The following ATXN10 variants were observed in gnomAD, a reference collection of about 807,000 sequenced individuals.
The protein encoded by ATXN10 is ataxin-10.
ATXN10 carries 28 observed loss-of-function variants against 52.9 expected under a neutral mutation model. The observed-to-expected ratio is 0.53, with a 90% CI of 0.39 to 0.73. The LOEUF (loss-of-function observed/expected upper bound fraction) is 0.73. Among genes scored for constraint, ATXN10 ranks in the 30% least tolerant of loss-of-function variants. ATXN10 has a pLI of 0.00. For synonymous variants in ATXN10, 226 were observed against 221.5 expected, an observed-to-expected ratio of 1.02 and a Z score of -0.18; for missense variants, 565 against 577.0, an observed-to-expected ratio of 0.98 and a Z score of 0.21.
rs944663248 is a variant in ATXN10 at position 45,718,865 on chromosome 22, C to G, written c.728+372C>G. ...TGGGTGTTATTATTTGTGATACACT[C>G]TGCTAGGTTTGTAGGTTTCTAATGG... On this transcript the variant is annotated intron_variant, in intron 6 of 11. Transcript: ENST00000252934. The surrounding 1 kb of genome is among the most constrained non-coding windows in gnomAD (Gnocchi z 4.4). Among the ~76,000 whole-genome samples the G allele has an allele frequency of 2.0e-5, 3 of 152,144 alleles. No homozygotes were observed. Among genetic ancestry groups the G allele is most frequent in the African/African-American group, 7.2e-5 (3 of 41,424 alleles).
At position 45,770,277 on chromosome 22, in the gene ATXN10, C is replaced by T. The variant is rs1249837145; in HGVS notation, c.1173+29739C>T. Among the ~76,000 whole-genome samples, 1 of 152,178 alleles carries T rather than the reference C, an allele frequency of 6.6e-6. No individual in the cohort carries two copies. The highest frequency in any genetic ancestry group is 1.5e-5 in the Non-Finnish European group (1 of 68,000). On this transcript the variant is annotated intron_variant, in intron 9 of 11. Transcript: ENST00000252934. The surrounding 1 kb of genome is among the most constrained non-coding windows in gnomAD (Gnocchi z 4.5). ...GTTTTTAAAAATGTGGGTTGCATCCCAATAACGAGATACGAAATGAATTCT... is the reference window on the plus strand; with the variant it reads ...GTTTTTAAAAATGTGGGTTGCATCCTAATAACGAGATACGAAATGAATTCT...
intron 9 of ATXN10, among the ~76,000 whole-genome samples, chr22:45,743,764 A>T (rs527990095): frequency 6.6e-6 from 1 of 152,308 alleles, no homozygotes; most frequent in African/African-American, 2.4e-5. Flanking sequence ...TACATATATT[A>T]TCAACTTTAA....
intron 9 of ATXN10, among the ~76,000 whole-genome samples, chr22:45,796,740 C>T (rs1024744115): frequency 6.6e-6 from 1 of 152,216 alleles, no homozygotes; most frequent in Non-Finnish European, 1.5e-5. Context: ...TCAAATTATC[C>T]TCCCACCTTC....
chr22:45,746,588 T>C (rs1243476173), intron 9 of ATXN10, among the ~76,000 whole-genome samples: 1 of 152,088 alleles, frequency 6.6e-6, no homozygotes, highest in African/African-American at 2.4e-5. Flanking sequence ...TAGGCCGGGG[T>C]GGCATGGCCC....
chr22:45,808,746 G>A (rs1928184424), intron 10 of ATXN10, among the ~76,000 whole-genome samples: 1 of 152,218 alleles, frequency 6.6e-6, no homozygotes. Flanking sequence ...CTTCTTAAAA[G>A]TCACCGGGAG....
Position 45,843,717 on chromosome 22 carries a change from A to AT in ATXN10, c.*51dup. 1 of 1,579,740 alleles carries AT rather than the reference A, an allele frequency of 6.3e-7. No individual in the cohort carries two copies. The highest frequency in any genetic ancestry group is 1.3e-5 in the African/African-American group (1 of 74,394). ...TGAATTTTTGGAATCTGTTTCATGG[A>AT]TTTTTCATCTTCTACCGTATGTGAA... On this transcript the variant is annotated 3_prime_UTR_variant, in exon 12 of 12. Transcript: ENST00000252934. The surrounding 1 kb of genome is among the most constrained non-coding windows in gnomAD (Gnocchi z 4.5).
In ATXN10 at chr22:45,689,894, A is replaced by T. The variant is rs779549583; in HGVS notation, c.299A>T (p.Asn100Ile). 20 of 1,614,078 alleles carry T rather than the reference A, an allele frequency of 1.2e-5. No individual in the cohort carries two copies. Among genetic ancestry groups the T allele is most frequent in the Non-Finnish European group, 1.7e-5 (20 of 1,180,004 alleles). ...TGCATAGAGTGTTCTGTGAACCAGA[A>T]TTCAATCAGGTAGTTACACACGTAC... Reference protein sequence around the residue: ...NACIECSVNQNSIRNLDTIGV... With the variant: ...NACIECSVNQISIRNLDTIGV... Residue 100 changes from asparagine to isoleucine, a missense_variant, in exon 2 of 12, where the codon AAT (asparagine) becomes ATT (isoleucine). Coordinates refer to ENST00000252934, the MANE Select transcript of ATXN10 (RefSeq NM_013236.4).
chr22:45,749,219 G>C (rs1925851229), intron 9 of ATXN10, among the ~76,000 whole-genome samples: 1 of 152,126 alleles, frequency 6.6e-6, no homozygotes, highest in African/African-American at 2.4e-5. Context: ...CTTAACACCT[G>C]CCGTAACACT....
At position 45,828,215 on chromosome 22, in the gene ATXN10, GA is replaced by G. The variant is rs1928880331; in HGVS notation, c.1238-14774del. 6.8e-6 allele frequency among the ~76,000 whole-genome samples: 1 copy of G among 146,988 alleles called. No individual in the cohort carries two copies. The highest frequency in any genetic ancestry group is 1.5e-5 in the Non-Finnish European group (1 of 66,048). ...AAAACTTTAAAAAAGAAAAAAAAAA[GA>G]AGAAAAAAATATTTAGAGACAAATG... On this transcript the variant is annotated intron_variant, in intron 10 of 11. Coordinates refer to ENST00000252934, the MANE Select transcript of ATXN10 (RefSeq NM_013236.4). The surrounding 1 kb of genome is among the most constrained non-coding windows in gnomAD (Gnocchi z 4.5).
Position 45,762,870 on chromosome 22 carries a change from C to T in ATXN10, c.1173+22332C>T, listed in dbSNP as rs1926447945. On this transcript the variant is annotated intron_variant, in intron 9 of 11. Transcript: ENST00000252934. The surrounding 1 kb of genome is among the most constrained non-coding windows in gnomAD (Gnocchi z 4.3). ...TGGCTTCCCTTGGGTCTGTCTCCAT[C>T]CCTGTTGTAGTCCCTCACAGCCCAG... is the stretch of plus-strand genomic sequence containing the variant. 2.6e-5 allele frequency among the ~76,000 whole-genome samples: 4 copies of T among 152,186 alleles called. No individual in the cohort carries two copies. Among genetic ancestry groups the T allele is most frequent in the Admixed American group, 2.6e-4 (4 of 15,278 alleles).
In ATXN10 at chr22:45,708,214, A is replaced by G. The variant is rs1030514547; in HGVS notation, c.647+5367A>G. Among the ~76,000 whole-genome samples, 2 of 152,146 alleles carry G rather than the reference A, an allele frequency of 1.3e-5. No individual in the cohort carries two copies. The highest frequency in any genetic ancestry group is 4.1e-4 in the South Asian group (2 of 4,830). On this transcript the variant is annotated intron_variant, in intron 5 of 11. Transcript: ENST00000252934. The surrounding 1 kb of genome is among the most constrained non-coding windows in gnomAD (Gnocchi z 5.3). ...AAAGATGTTTTCATGCTCTTAGATA[A>G]CCCTAGATGAATCCAGGGATTCTAT...
intron 10 of ATXN10, among the ~76,000 whole-genome samples, chr22:45,808,298 T>G (rs1928168907): frequency 6.6e-6 from 1 of 152,214 alleles, no homozygotes; most frequent in Non-Finnish European, 1.5e-5. Flanking sequence ...ATGTTGCATT[T>G]CCCAATGAAA....
chr22:45,703,234 A>G (rs1181035250), intron 5 of ATXN10, among the ~76,000 whole-genome samples: 1 of 152,188 alleles, frequency 6.6e-6, no homozygotes, highest in Non-Finnish European at 1.5e-5. Context: ...TGCAGATGAG[A>G]TAGAGACTGC....
At chr22:45,761,167 T>G (rs6519871) in intron 9 of ATXN10, among the ~76,000 whole-genome samples, 8,748 of 152,202 alleles carry the variant, frequency 0.057, 265 homozygotes, top group African/African-American at 0.064. Flanking sequence ...TGTCGCCAGG[T>G]TGGAATGCAG....
At chr22:45,724,274 C>T (rs1370592465) in intron 6 of ATXN10, among the ~76,000 whole-genome samples, 1 of 152,128 alleles carries the variant, frequency 6.6e-6, no homozygotes, top group African/African-American at 2.4e-5. Flanking sequence ...TACTATTTTA[C>T]TTTCCCCCCA....
At chr22:45,832,170 G>C (rs139751107) in intron 10 of ATXN10, among the ~76,000 whole-genome samples, 7 of 152,292 alleles carry the variant, frequency 4.6e-5, no homozygotes, top group African/African-American at 1.4e-4. Flanking sequence ...TTCTACTTCA[G>C]CTCTTTCGAT....
chr22:45,821,347 TAAAAAAAA>T (rs567448480), intron 10 of ATXN10, among the ~76,000 whole-genome samples: 1 of 106,444 alleles, frequency 9.4e-6, no homozygotes, highest in African/African-American at 3.6e-5. Flanking sequence ...CCCGTCTCTT[TAAAAAAAA>T]AAAAAAAAAA....
intron 10 of ATXN10, among the ~76,000 whole-genome samples, chr22:45,817,106 G>T (rs149160080): frequency 6.6e-6 from 1 of 152,244 alleles, no homozygotes; most frequent in African/African-American, 2.4e-5. Context: ...CCATCCTGAC[G>T]TTTGTTTGAT....
chr22:45,690,979 G>A lies in ATXN10; in HGVS notation c.308+1076G>A, dbSNP rs1923350216. Among the ~76,000 whole-genome samples, 1 of 152,150 alleles carries A rather than the reference G, an allele frequency of 6.6e-6. No homozygotes were observed. Among genetic ancestry groups the A allele is most frequent in the Non-Finnish European group, 1.5e-5 (1 of 68,032 alleles). On this transcript the variant is annotated intron_variant, in intron 2 of 11. Coordinates refer to ENST00000252934, the MANE Select transcript of ATXN10 (RefSeq NM_013236.4). This position sits in a 1 kb window ranked among gnomAD's most constrained non-coding sequence, Gnocchi z 4.5. ...TTGGGCTGGTCCAGAAGCCACTTGAGGGACTCCCTTCGGTTAGACACATAT... is the reference window on the plus strand; with the variant it reads ...TTGGGCTGGTCCAGAAGCCACTTGAAGGACTCCCTTCGGTTAGACACATAT...
Sources: gnomAD v4.1 joint callset for allele counts (sites outside exome capture counted in the v4.1 genomes callset) on GRCh38, gnomAD v4.1.1 for gene constraint, Gnocchi (gnomAD v3.1) non-coding constraint, MANE v1.5 for transcripts, NCBI Gene and HGNC (gene_info 2026-07-23, HGNC 2026-07-21) for gene names.